Variants in NPC1 observed in about 807,000 individuals in gnomAD.
NPC1 encodes the protein Niemann-Pick C1 protein.
NPC1 carries 85 observed loss-of-function variants against 140.4 expected under a neutral mutation model. That is an observed-to-expected ratio of 0.61 (90% CI 0.51 to 0.72). NPC1 has a LOEUF of 0.72. NPC1 is among the 30% of genes least tolerant of loss of function. The pLI, the probability that NPC1 is intolerant of heterozygous loss-of-function variation, is 0.00. For missense variants in NPC1, 1,504 were observed against 1,623.8 expected (o/e 0.93, Z 1.27); for synonymous variants, 656 against 624.8 (o/e 1.05, Z -0.74).
At chr18:23,543,055 C>G (rs561021742) in intron 14 of NPC1, among the ~76,000 whole-genome samples, 1 of 152,068 alleles carries the variant, frequency 6.6e-6, no homozygotes, top group Non-Finnish European at 1.5e-5. Context: ...GGGCTGGGCA[C>G]GGGGGCTCAC....
At position 23,507,879 on chromosome 18, in the gene NPC1, C is replaced by T. The variant is rs141953191; in HGVS notation, c.432-1237G>A. On this transcript the variant is annotated intron_variant, in intron 3 of 3. Transcript: ENST00000591107. ...GTTGTCTTCAGTTATTTTCTGGTCA[C>T]TTTTTAAGTTAATATTTATTTTTCT... The T allele has an allele frequency of 1.3e-3, 1,283 of 957,210 alleles. 10 individuals are homozygous for T. The African/African-American group carries it at 0.02, about 15-fold the overall frequency. 59.3% of individuals were successfully genotyped at this position (957,210 alleles called of 1,614,324 possible).
chr18:23,514,497 C>T (rs929463989), intron 3 of NPC1, among the ~76,000 whole-genome samples: 5 of 151,730 alleles, frequency 3.3e-5, no homozygotes, highest in Non-Finnish European at 5.9e-5. Flanking sequence ...GTGGAGGTTG[C>T]GGTGAGCCGA....
At chr18:23,551,960 C>A (rs1412092475) in intron 9 of NPC1, among the ~76,000 whole-genome samples, 2 of 152,108 alleles carry the variant, frequency 1.3e-5, no homozygotes, top group African/African-American at 4.8e-5. Context: ...TGGTGCATGG[C>A]GCTATGCAGG....
downstream of NPC1, chr18:23,529,720 C>A (rs2058428263): frequency 6.2e-7 from 1 of 1,607,808 alleles, no homozygotes; most frequent in South Asian, 1.1e-5. Context: ...CAGGTACCTT[C>A]AAATCATCTG....
At chr18:23,518,362 C>T (rs1325583344), downstream of NPC1, among the ~76,000 whole-genome samples, 8 of 152,032 alleles carry the variant, frequency 5.3e-5, no homozygotes, top group South Asian at 2.1e-4. Context: ...CACGGTGGCA[C>T]GTGCATGTAG....
At chr18:23,507,992 G>A (rs751177020) in intron 3 of NPC1, 7 of 1,610,294 alleles carry the variant, frequency 4.3e-6, no homozygotes, top group Non-Finnish European at 5.1e-6. Context: ...CAGGATTTTT[G>A]TAATTTTATC....
downstream of NPC1, chr18:23,527,848 A>G (rs1295097768): frequency 1.2e-6 from 2 of 1,614,156 alleles, no homozygotes; most frequent in South Asian, 1.1e-5. Context: ...TGTTTTTGAT[A>G]AACTCAACCA....
At chr18:23,564,351 CCTT>C (rs760254708) in intron 4 of NPC1, among the ~76,000 whole-genome samples, 9 of 151,804 alleles carry the variant, frequency 5.9e-5, no homozygotes, top group African/African-American at 1.7e-4. Flanking sequence ...ATATTCTTGT[CCTT>C]TTTTTTGAGA....
chr18:23,560,537 T>A, intron 5 of NPC1, 57 bp from the exon 6 acceptor site: 1 of 1,578,976 alleles, frequency 6.3e-7, no homozygotes, highest in Non-Finnish European at 8.7e-7. Context: ...CAAAATTTTG[T>A]ATTATACTTA....
At chr18:23,551,302 T>C (rs763545197) in intron 10 of NPC1, among the ~76,000 whole-genome samples, 14 of 152,252 alleles carry the variant, frequency 9.2e-5, no homozygotes, top group Non-Finnish European at 1.9e-4. Flanking sequence ...CTAGAGGGTC[T>C]ATAAATGAAC....
intron 3 of NPC1, among the ~76,000 whole-genome samples, chr18:23,510,706 C>T (rs1035974160): frequency 1.3e-5 from 2 of 151,968 alleles, no homozygotes; most frequent in African/African-American, 2.4e-5. Flanking sequence ...GACACACATG[C>T]GACCAACAAA....
Position 23,586,489 on chromosome 18 carries a change from C to G in NPC1, c.-146G>C. ...AGGCGCTGACCGCGGCAGCAGGCTGCGCGCGCCGGTCAGGAAGGAAGAAGG... is the reference window on the plus strand; with the variant it reads ...AGGCGCTGACCGCGGCAGCAGGCTGGGCGCGCCGGTCAGGAAGGAAGAAGG... On this transcript the variant is annotated 5_prime_UTR_variant, in exon 1 of 25. Coordinates refer to ENST00000269228, the MANE Select transcript of NPC1 (RefSeq NM_000271.5). The G allele has an allele frequency of 7.0e-7, 1 of 1,422,134 alleles. No homozygotes were observed. Among genetic ancestry groups the G allele is most frequent in the East Asian group, 2.8e-5 (1 of 35,530 alleles). The allele number at this position is 1,422,134 out of a possible 1,614,324, so 88.1% of individuals were successfully genotyped here.
intron 3 of NPC1, among the ~76,000 whole-genome samples, chr18:23,569,296 G>C (rs528124786): frequency 5.3e-5 from 8 of 152,302 alleles, no homozygotes; most frequent in African/African-American, 1.7e-4. Context: ...CTGACCTAGA[G>C]TAAAGGGACT....
At chr18:23,566,664 C>T (rs2059129762) in intron 4 of NPC1, among the ~76,000 whole-genome samples, 1 of 150,706 alleles carries the variant, frequency 6.6e-6, no homozygotes, top group South Asian at 2.1e-4. Flanking sequence ...ACAGTAGCCC[C>T]TTCCCTAAGG....
At chr18:23,556,665 C>T in intron 7 of NPC1, 52 bp from the exon 8 acceptor site, 1 of 1,606,396 alleles carries the variant, frequency 6.2e-7, no homozygotes, top group Non-Finnish European at 8.5e-7. Flanking sequence ...CAAGCCGTTC[C>T]TGAAAGTCGG....
intron 11 of NPC1, 127 bp from the exon 12 acceptor site, chr18:23,545,276 T>C (rs2058773434): frequency 2.8e-6 from 2 of 713,028 alleles, no homozygotes; most frequent in Non-Finnish European, 4.9e-6. Flanking sequence ...TGATTCTCGC[T>C]CTGTCGCCCA....
At position 23,531,716 on chromosome 18, in the gene NPC1, G is replaced by A; in HGVS notation, c.*486C>T. 6.3e-7 allele frequency: 1 copy of A among 1,598,768 alleles called. No homozygotes were observed. The highest frequency in any genetic ancestry group is 1.4e-5 in the African/African-American group (1 of 73,960). The stretch of plus-strand genomic sequence containing the variant: ...CTACAACATTCTGAAATCACTTGCT[G>A]TTTTTTTATATAAAAATGTGTACAA... On this transcript the variant is annotated 3_prime_UTR_variant, in exon 25 of 25. Coordinates refer to ENST00000269228, the MANE Select transcript of NPC1 (RefSeq NM_000271.5).
At position 23,539,958 on chromosome 18, in the gene NPC1, A is replaced by G; in HGVS notation, c.2648T>C (p.Leu883Pro). Residue 883 changes from leucine to proline, a missense_variant, in exon 18 of 25, where the codon CTG (leucine) becomes CCG (proline). Transcript: ENST00000269228. Reference sequence around the variant, plus strand: ...AAAGTACACAGGCGGACCCGCATGCAGGTACTGACTGATGGATTTGAAATA... The same window carrying G: ...AAAGTACACAGGCGGACCCGCATGCGGGTACTGACTGATGGATTTGAAATA... Reference protein sequence around the residue: ...VDYFKSISQYLHAGPPVYFVL... With the variant: ...VDYFKSISQYPHAGPPVYFVL... The G allele has an allele frequency of 6.2e-7, 1 of 1,614,210 alleles. No individual in the cohort carries two copies. The highest frequency in any genetic ancestry group is 1.1e-5 in the South Asian group (1 of 91,086).
chr18:23,548,135 A>G (rs549148931), intron 10 of NPC1, 27 bp from the exon 11 acceptor site: 2 of 1,372,122 alleles, frequency 1.5e-6, no homozygotes, highest in African/African-American at 2.8e-5. Context: ...TGACATCAAA[A>G]AGCAGATTAC....
Sources: allele counts gnomAD v4.1 joint callset (sites outside exome capture counted in the v4.1 genomes callset), GRCh38; gene constraint gnomAD v4.1.1; transcripts MANE v1.5; gene names NCBI Gene and HGNC (gene_info 2026-07-23, HGNC 2026-07-21).